The following DPP10 variants were observed in gnomAD, a reference collection of about 807,000 sequenced individuals.
DPP10 encodes inactive dipeptidyl peptidase 10.
Under a neutral mutation model 120.9 loss-of-function variants are expected in DPP10, and 33 were observed. The observed-to-expected ratio is 0.27, with a 90% CI of 0.21 to 0.37. DPP10 has a LOEUF of 0.37. DPP10 is among the 10% of genes least tolerant of loss of function. DPP10 has a pLI of 1.00. For synonymous variants in DPP10, 337 were observed against 326.1 expected (o/e 1.03, Z -0.36); for missense variants, 816 against 942.8 (o/e 0.87, Z 1.76).
chr2:115,276,536 C>T (rs1305715799), intron 1 of DPP10, among the ~76,000 whole-genome samples: 1 of 152,050 alleles, frequency 6.6e-6, no homozygotes, highest in Non-Finnish European at 1.5e-5. Flanking sequence ...GTTGAGTGTC[C>T]AAGAGAAGAC....
chr2:115,566,039 G>A (rs1482062520), intron 5 of DPP10, among the ~76,000 whole-genome samples: 9 of 151,882 alleles, frequency 5.9e-5, no homozygotes, highest in Non-Finnish European at 1.0e-4. Context: ...AGCCCGCCTC[G>A]GCCTCCCAAA....
chr2:114,737,361 A>T (rs1394777361), intron 1 of DPP10, among the ~76,000 whole-genome samples: 2 of 152,182 alleles, frequency 1.3e-5, no homozygotes, highest in Non-Finnish European at 2.9e-5. Context: ...CTGGTCCCAG[A>T]AGACATCTTG....
chr2:114,964,502 C>T (rs191620737), intron 1 of DPP10, among the ~76,000 whole-genome samples: 29 of 152,080 alleles, frequency 1.9e-4, no homozygotes, highest in African/African-American at 6.3e-4. Context: ...TGGAAGTCTT[C>T]CCCGAGAAAG....
intron 21 of DPP10, among the ~76,000 whole-genome samples, chr2:115,831,384 G>A (rs1423289706): frequency 1.3e-5 from 2 of 151,988 alleles, no homozygotes; most frequent in Non-Finnish European, 2.9e-5. Flanking sequence ...GAGTAGCTGG[G>A]ATTAGCCACC....
chr2:115,086,116 G>A (rs1218033023), intron 1 of DPP10, among the ~76,000 whole-genome samples: 2 of 152,190 alleles, frequency 1.3e-5, no homozygotes, highest in African/African-American at 4.8e-5. Context: ...CATCTGTAAA[G>A]AATCTCTGTT....
rs1226954850 is a variant in DPP10 at position 114,804,265 on chromosome 2, G to A, written c.60+361427G>A. On this transcript the variant is annotated intron_variant, in intron 1 of 25. Transcript: ENST00000410059. Reference sequence around the variant, plus strand: ...GAAATGCCTGGATGCCCAGATAAAAGTTTATTGGAGGGGTAGGGCCCTTAA... The same window carrying A: ...GAAATGCCTGGATGCCCAGATAAAAATTTATTGGAGGGGTAGGGCCCTTAA... 2.0e-5 allele frequency among the ~76,000 whole-genome samples: 3 copies of A among 152,222 alleles called. No individual in the cohort carries two copies. In the East Asian group the frequency reaches 5.8e-4, roughly 29 times the overall value.
At chr2:115,616,461 T>G (rs1319738786) in intron 5 of DPP10, among the ~76,000 whole-genome samples, 1 of 151,722 alleles carries the variant, frequency 6.6e-6, no homozygotes, top group Non-Finnish European at 1.5e-5. Flanking sequence ...AATCTAGACA[T>G]GCAGATCAAT....
At chr2:114,938,059 A>G (rs1574523892) in intron 1 of DPP10, among the ~76,000 whole-genome samples, 1 of 152,238 alleles carries the variant, frequency 6.6e-6, no homozygotes, top group East Asian at 1.9e-4. Flanking sequence ...ACTGAAAAGT[A>G]TAGGAAAGTA....
At chr2:115,658,537 C>A (rs2088609845) in intron 5 of DPP10, among the ~76,000 whole-genome samples, 1 of 151,968 alleles carries the variant, frequency 6.6e-6, no homozygotes, top group African/African-American at 2.4e-5. Flanking sequence ...CAATGGTAGG[C>A]ACTGGTTGTT....
chr2:115,458,835 TTA>T (rs1558691609), intron 3 of DPP10, among the ~76,000 whole-genome samples: 2 of 152,186 alleles, frequency 1.3e-5, no homozygotes, highest in Admixed American at 1.3e-4. Context: ...TGCACATTAC[TTA>T]TATACGTATT....
Position 115,343,997 on chromosome 2 carries a change from G to T in DPP10, c.271+85G>T, listed in dbSNP as rs146872459. ...AAAAAATGAGATGTGTAAGCTGGGCGCAATGGCTTATGCCTGTCATCCCAG... is the reference window on the plus strand; with the variant it reads ...AAAAAATGAGATGTGTAAGCTGGGCTCAATGGCTTATGCCTGTCATCCCAG... On this transcript the variant is annotated intron_variant, in intron 3 of 25. Coordinates refer to ENST00000410059, the MANE Select transcript of DPP10 (RefSeq NM_020868.6). 446 of 1,116,074 alleles carry T rather than the reference G, an allele frequency of 4.0e-4. 2 individuals carry two copies. In the East Asian group the frequency reaches 8.7e-3, roughly 22 times the overall value. 69.1% of individuals were successfully genotyped at this position (1,116,074 alleles called of 1,614,324 possible).
chr2:114,854,100 A>G (rs572672097), intron 1 of DPP10, among the ~76,000 whole-genome samples: 1 of 152,194 alleles, frequency 6.6e-6, no homozygotes, highest in Non-Finnish European at 1.5e-5. Flanking sequence ...TACATATGGA[A>G]AATTAAGACC....
At chr2:115,521,500 C>G (rs1022664415) in intron 4 of DPP10, among the ~76,000 whole-genome samples, 1 of 152,072 alleles carries the variant, frequency 6.6e-6, no homozygotes, top group Admixed American at 6.5e-5. Context: ...TTTATTTTCT[C>G]CAGTGAGAAT....
At chr2:115,197,506 G>A (rs2055370914) in intron 1 of DPP10, among the ~76,000 whole-genome samples, 1 of 152,150 alleles carries the variant, frequency 6.6e-6, no homozygotes, top group South Asian at 2.1e-4. Context: ...CACATCAGCA[G>A]TGGTCTAATC....
At chr2:115,230,877 C>T (rs2057704199) in intron 1 of DPP10, among the ~76,000 whole-genome samples, 1 of 151,982 alleles carries the variant, frequency 6.6e-6, no homozygotes. Context: ...CAATATCAAT[C>T]TCAAAGATTG....
chr2:115,322,316 T>A (rs1009448857), intron 2 of DPP10, among the ~76,000 whole-genome samples: 7 of 152,190 alleles, frequency 4.6e-5, no homozygotes, highest in African/African-American at 1.7e-4. Context: ...TAGGTTGTGG[T>A]TAGCTAGGGT....
intron 5 of DPP10, among the ~76,000 whole-genome samples, chr2:115,566,377 CTAAT>C (rs2081012201): frequency 6.6e-6 from 1 of 151,842 alleles, no homozygotes; most frequent in Admixed American, 6.6e-5. Flanking sequence ...TTTTTCTATG[CTAAT>C]TAATTACTGT....
intron 7 of DPP10, among the ~76,000 whole-genome samples, chr2:115,701,057 A>G (rs758313236): frequency 6.6e-6 from 1 of 152,126 alleles, no homozygotes; most frequent in Non-Finnish European, 1.5e-5. Context: ...TCAAAATCCA[A>G]ATAATGTCTT....
chr2:115,828,532 T>G (rs58821922), intron 21 of DPP10, among the ~76,000 whole-genome samples: 5,448 of 152,150 alleles, frequency 0.036, 337 homozygotes, highest in African/African-American at 0.12. Flanking sequence ...CTCACTAATA[T>G]GCTGTTCAAT....
Sources: gnomAD v4.1 joint callset for allele counts (sites outside exome capture counted in the v4.1 genomes callset) on GRCh38, gnomAD v4.1.1 for gene constraint, MANE v1.5 for transcripts, NCBI Gene and HGNC (gene_info 2026-07-23, HGNC 2026-07-21) for gene names.